TSPAN11: variants seen among roughly 807,000 people sequenced by gnomAD.
The protein encoded by TSPAN11 is tetraspanin 11, also known as tetraspanin-11.
In TSPAN11, 29 loss-of-function variants were observed where a neutral mutation model predicts 32.9. The observed-to-expected ratio is 0.88, with a 90% CI of 0.66 to 1.20. The LOEUF (loss-of-function observed/expected upper bound fraction) is 1.20, where lower values mean the gene tolerates loss of function less well. TSPAN11 is among the 50% of genes most tolerant of loss of function. TSPAN11 has a pLI of 0.00. For missense variants in TSPAN11, 283 were observed against 329.1 expected (o/e 0.86, Z 1.08); for synonymous variants, 140 against 141.3 (o/e 0.99, Z 0.07).
rs779311204 is a variant in TSPAN11, at chr12:30,979,572, G to A, written c.358G>A (p.Asp120Asn). ...LAHVYYQRLS[D>N]ELKQHLNRTL... Reference sequence around the variant, plus strand: ...TCGCTCCTACCCTCCTCAGCTGAGTGATGAACTGAAGCAGCACTTGAACCG... The same window carrying A: ...TCGCTCCTACCCTCCTCAGCTGAGTAATGAACTGAAGCAGCACTTGAACCG... Residue 120 changes from aspartate to asparagine, a missense_variant, in exon 5 of 8, where the codon GAT becomes AAT. Transcript: ENST00000546076. The A allele has an allele frequency of 2.2e-5, 35 of 1,614,086 alleles. No homozygotes were observed. The highest frequency in any genetic ancestry group is 6.7e-5 in the Admixed American group (4 of 60,008).
At chr12:30,957,691 C>G (rs1352249105) in intron 2 of TSPAN11, among the ~76,000 whole-genome samples, 1 of 68,230 alleles carries the variant, frequency 1.5e-5, no homozygotes, top group East Asian at 6.2e-4. Flanking sequence ...TGTCCTGCCT[C>G]CCTCCCTCCC....
intron 1 of TSPAN11, among the ~76,000 whole-genome samples, chr12:30,946,010 G>A (rs1393944485): frequency 6.6e-6 from 1 of 152,186 alleles, no homozygotes; most frequent in Admixed American, 6.5e-5. Context: ...TGAGAGGACA[G>A]GGCCAGCCTT....
At chr12:30,964,293 CTTCT>C (rs1328248762) in intron 3 of TSPAN11, among the ~76,000 whole-genome samples, 1 of 151,490 alleles carries the variant, frequency 6.6e-6, no homozygotes, top group Non-Finnish European at 1.5e-5. Context: ...CCTCTTCCTC[CTTCT>C]ATTTCTTCTT....
At chr12:30,991,820 A>G in intron 7 of TSPAN11, 36 bp from the exon 8 acceptor site, 1 of 1,613,604 alleles carries the variant, frequency 6.2e-7, no homozygotes, top group African/African-American at 1.3e-5. Context: ...AGGAGTTCTG[A>G]TTTCTCTTTG....
chr12:30,972,168 C>A (rs931565403), intron 3 of TSPAN11, among the ~76,000 whole-genome samples: 1 of 152,170 alleles, frequency 6.6e-6, no homozygotes, highest in South Asian at 2.1e-4. Flanking sequence ...GAAGGACCGG[C>A]AGCCCTGGAC....
chr12:30,952,798 C>A (rs1226198619), intron 1 of TSPAN11, among the ~76,000 whole-genome samples: 1 of 152,156 alleles, frequency 6.6e-6, no homozygotes, highest in Admixed American at 6.5e-5. Flanking sequence ...CTGAACAGGA[C>A]GACTGGCTGA....
At chr12:31,013,856 G>A in the TSPAN11 span, among the ~76,000 whole-genome samples, 13 of 152,290 alleles carry the variant, frequency 8.5e-5, no homozygotes, top group East Asian at 1.4e-3. Context: ...CCAGGTACAT[G>A]CAGCCACTCA....
At chr12:30,983,433 C>A (rs35087) in intron 7 of TSPAN11, among the ~76,000 whole-genome samples, 10,742 of 152,182 alleles carry the variant, frequency 0.071, 485 homozygotes, top group East Asian at 0.18. Context: ...TGTGCATGCA[C>A]CCCATGTGTG....
intron 1 of TSPAN11, among the ~76,000 whole-genome samples, chr12:30,952,635 T>C (rs1481937780): frequency 6.6e-6 from 1 of 152,006 alleles, no homozygotes; most frequent in Non-Finnish European, 1.5e-5. Flanking sequence ...AATTGGGGCG[T>C]GGTCACGCAC....
chr12:31,000,687 G>T (rs1027575867), downstream of TSPAN11, among the ~76,000 whole-genome samples: 2 of 152,198 alleles, frequency 1.3e-5, no homozygotes, highest in African/African-American at 4.8e-5. Context: ...TTCAAGGGTG[G>T]TGACGGCTGA....
intron 1 of TSPAN11, among the ~76,000 whole-genome samples, chr12:30,945,701 G>A (rs139407873): frequency 1.7e-3 from 265 of 152,106 alleles, no homozygotes; most frequent in Non-Finnish European, 3.3e-3. Flanking sequence ...TGCAGCCGAA[G>A]ACACAATGAT....
At chr12:30,963,685 G>A in intron 2 of TSPAN11, 141 bp from the exon 3 acceptor site, 1 of 886,176 alleles carries the variant, frequency 1.1e-6, no homozygotes, top group East Asian at 2.7e-5. Flanking sequence ...TGTAAAATTG[G>A]GTAACCATAC....
At chr12:31,008,065 A>G in the TSPAN11 span, among the ~76,000 whole-genome samples, 2 of 151,512 alleles carry the variant, frequency 1.3e-5, no homozygotes, top group Non-Finnish European at 2.9e-5. Flanking sequence ...AGGGTCTCCC[A>G]GGGTCTGAGT....
chr12:30,944,599 C>T (rs767180118), intron 1 of TSPAN11, among the ~76,000 whole-genome samples: 1 of 152,132 alleles, frequency 6.6e-6, no homozygotes, highest in Non-Finnish European at 1.5e-5. Context: ...GCACTGTTCA[C>T]AATAGCCAAG....
intron 1 of TSPAN11, among the ~76,000 whole-genome samples, chr12:30,937,434 G>T (rs117743255): frequency 0.03 from 4,610 of 152,182 alleles, 106 homozygotes; most frequent in Non-Finnish European, 0.051. Flanking sequence ...TACTTTTGGG[G>T]GGGCGGCAGG....
chr12:30,937,221 G>C (rs561166029), intron 1 of TSPAN11, among the ~76,000 whole-genome samples: 40 of 152,298 alleles, frequency 2.6e-4, no homozygotes, highest in African/African-American at 9.1e-4. Flanking sequence ...AGGATGAATG[G>C]ATGAAGAAGT....
At chr12:30,965,890 C>T (rs1200011126) in intron 3 of TSPAN11, among the ~76,000 whole-genome samples, 1 of 152,128 alleles carries the variant, frequency 6.6e-6, no homozygotes, top group African/African-American at 2.4e-5. Flanking sequence ...GAGAGTTTAC[C>T]AGACTCACAG....
At chr12:30,949,472 A>G (rs1245425091) in intron 1 of TSPAN11, among the ~76,000 whole-genome samples, 1 of 152,192 alleles carries the variant, frequency 6.6e-6, no homozygotes, top group Admixed American at 6.5e-5. Context: ...AGAGAAAATG[A>G]GAAAGATGCA....
At chr12:30,934,331 C>A (rs1027550618) in intron 1 of TSPAN11, among the ~76,000 whole-genome samples, 2 of 152,216 alleles carry the variant, frequency 1.3e-5, no homozygotes, top group Middle Eastern at 3.2e-3. Context: ...GACTCAGATC[C>A]CAGGGCCTGG....
Sources: allele counts gnomAD v4.1 joint callset (sites outside exome capture counted in the v4.1 genomes callset), GRCh38; gene constraint gnomAD v4.1.1; transcripts MANE v1.5; gene names NCBI Gene and HGNC (gene_info 2026-07-23, HGNC 2026-07-21).